Variants in LACTB2 observed in about 807,000 individuals in gnomAD.
LACTB2 encodes the protein endoribonuclease LACTB2.
In LACTB2, 32 loss-of-function variants were observed where a neutral mutation model predicts 34.8. The ratio of observed to expected loss-of-function variants is 0.92; its 90% CI spans 0.69 to 1.24. The LOEUF is 1.24. Among genes scored for constraint, LACTB2 ranks in the 50% most tolerant of loss-of-function variants. The probability of loss-of-function intolerance (pLI) is 0.00; values close to 1 mark genes in which losing one functional copy is unlikely to be tolerated. For synonymous variants in LACTB2, 120 were observed against 117.5 expected (o/e 1.02, Z -0.14); for missense variants, 320 against 345.0 (o/e 0.93, Z 0.57).
At chr8:70,653,968 T>C (rs1818377221) in intron 3 of LACTB2, 1 of 152,198 alleles carries the variant, frequency 6.6e-6, no homozygotes, top group South Asian at 2.1e-4. Context: ...GAAATAAATT[T>C]ATTTCCTATT....
In LACTB2 at chr8:70,665,351, GA is replaced by G. The variant is rs1370282071; in HGVS notation, c.123-3455del. Among the ~76,000 whole-genome samples, 5 of 152,294 alleles carry G rather than the reference GA, an allele frequency of 3.3e-5. 1 individual carries two copies. The highest frequency in any genetic ancestry group is 3.3e-4 in the Admixed American group (5 of 15,302). Reference sequence around the variant, plus strand: ...GGCACACAATAACTGTTTGCTACATGAATGGAGAAAAAAATTTTTAATTGAT... The same window carrying G: ...GGCACACAATAACTGTTTGCTACATGATGGAGAAAAAAATTTTTAATTGAT... On this transcript the variant is annotated intron_variant, in intron 1 of 6. Transcript: ENST00000276590.
chr8:70,660,558 A>G (rs1818468815), intron 2 of LACTB2: 2 of 454,600 alleles, frequency 4.4e-6, no homozygotes, highest in Non-Finnish European at 8.8e-6. Context: ...GTAAATAAGC[A>G]TGAATGTTCT....
intron 5 of LACTB2, 31 bp from the exon 6 acceptor site, chr8:70,638,660 CTTTT>C (rs11399242): frequency 1.6e-5 from 18 of 1,103,532 alleles, no homozygotes; most frequent in Non-Finnish European, 2.2e-5. Context: ...AAAAAAATTC[CTTTT>C]TTTTTAAAAA....
intron 2 of LACTB2, among the ~76,000 whole-genome samples, chr8:70,659,800 A>T (rs887607578): frequency 6.6e-6 from 1 of 152,220 alleles, no homozygotes; most frequent in African/African-American, 2.4e-5. Context: ...ATGAAAACAC[A>T]TATCCTATTT....
intron 1 of LACTB2, 127 bp downstream of exon 1, chr8:70,668,872 T>C (rs1312742104): frequency 3.0e-6 from 4 of 1,325,298 alleles, no homozygotes; most frequent in Non-Finnish European, 3.1e-6. Context: ...ACGGGGCTGC[T>C]AGGCGCGGGG....
At chr8:70,668,868 C>G in intron 1 of LACTB2, 131 bp downstream of exon 1, 2 of 1,258,114 alleles carry the variant, frequency 1.6e-6, no homozygotes, top group Non-Finnish European at 2.2e-6. Flanking sequence ...CCCGACGGGG[C>G]TGCTAGGCGC....
In LACTB2 at chr8:70,640,775, T is replaced by A. The variant is rs1346073832; in HGVS notation, c.741+127A>T. On this transcript the variant is annotated intron_variant, in intron 5 of 6. Coordinates refer to ENST00000276590, the MANE Select transcript of LACTB2 (RefSeq NM_016027.3). ...TAGCACTGTAGAAAGTTTAGGCTGCTGGTCTCAAATCTAGAAAAGTGGCGT... is the reference window on the plus strand; with the variant it reads ...TAGCACTGTAGAAAGTTTAGGCTGCAGGTCTCAAATCTAGAAAAGTGGCGT... 3 of 1,116,242 alleles carry A rather than the reference T, an allele frequency of 2.7e-6. No homozygotes were observed. The East Asian group carries it at 9.4e-5, about 35-fold the overall frequency. 69.1% of individuals were successfully genotyped at this position (1,116,242 alleles called of 1,614,324 possible).
chr8:70,659,690 C>A (rs13262205), intron 2 of LACTB2, among the ~76,000 whole-genome samples: 50,269 of 152,066 alleles, frequency 0.33, 9,434 homozygotes, highest in Non-Finnish European at 0.43. Flanking sequence ...GCTTATGAGA[C>A]CTTTAGTAGA....
At chr8:70,664,489 A>T (rs1195915976) in intron 1 of LACTB2, among the ~76,000 whole-genome samples, 2 of 152,172 alleles carry the variant, frequency 1.3e-5, no homozygotes, top group East Asian at 3.8e-4. Context: ...GTGGTAGTGG[A>T]GAACATGTTT....
intron 3 of LACTB2, among the ~76,000 whole-genome samples, chr8:70,648,806 C>T (rs268627): frequency 0.66 from 100,864 of 151,958 alleles, 34,996 homozygotes; most frequent in Middle Eastern, 0.76. Flanking sequence ...ACTCAGAACA[C>T]ACTACTGCCA....
Position 70,657,744 on chromosome 8 carries a change from A to G in LACTB2, c.413+12T>C. On this transcript the variant is annotated intron_variant, in intron 3 of 6. Transcript: ENST00000276590. The stretch of plus-strand genomic sequence containing the variant: ...ACTCTTCACCTTCCCTGGCTAAGGG[A>G]CATTTACTTACCTTAGAGTGGCTCC... 1 of 1,605,746 alleles carries G rather than the reference A, an allele frequency of 6.2e-7. No individual in the cohort carries two copies. The highest frequency in any genetic ancestry group is 1.1e-5 in the South Asian group (1 of 89,782).
chr8:70,650,735 C>CAAAAAAAAAAAAAAAA (rs61025700), intron 3 of LACTB2, among the ~76,000 whole-genome samples: 108 of 46,206 alleles, frequency 2.3e-3, no homozygotes, highest in Admixed American at 4.2e-3. Flanking sequence ...GACTCCATCT[C>CAAAAAAAAAAAAAAAA]AAAAAAAAAA....
intron 3 of LACTB2, among the ~76,000 whole-genome samples, chr8:70,650,755 A>G (rs1233354241): frequency 6.1e-5 from 9 of 146,744 alleles, no homozygotes; most frequent in African/African-American, 1.3e-4. Context: ...AAAAAAAAAA[A>G]AAAGAAAAAA....
At chr8:70,655,629 T>C (rs1415674180) in intron 3 of LACTB2, among the ~76,000 whole-genome samples, 1 of 152,228 alleles carries the variant, frequency 6.6e-6, no homozygotes, top group South Asian at 2.1e-4. Flanking sequence ...TTCCATGATT[T>C]TGCAATTGCA....
At chr8:70,641,108 CA>C in intron 4 of LACTB2, 58 bp from the exon 5 acceptor site, 1 of 1,389,042 alleles carries the variant, frequency 7.2e-7, no homozygotes, top group Non-Finnish European at 9.8e-7. Flanking sequence ...CTAAGTACAA[CA>C]GAAGCTAACT....
rs1483388993 is a variant in LACTB2 at position 70,669,125 on chromosome 8, G to A, written c.-5C>T. On this transcript the variant is annotated 5_prime_UTR_variant, in exon 1 of 7. Transcript: ENST00000276590. The stretch of plus-strand genomic sequence containing the variant: ...GCGCTGCAGTACAGCAGCCATTCCC[G>A]CCTCAGCCGCCCGCCGGCGTGTCGC... The A allele has an allele frequency of 1.2e-6, 2 of 1,608,894 alleles. No homozygotes were observed. Among genetic ancestry groups the A allele is most frequent in the Non-Finnish European group, 8.5e-7 (1 of 1,178,030 alleles).
chr8:70,643,015 CA>C (rs1818218625), intron 4 of LACTB2, among the ~76,000 whole-genome samples: 1 of 151,972 alleles, frequency 6.6e-6, no homozygotes, highest in African/African-American at 2.4e-5. Context: ...ATCAAGTTAA[CA>C]AAAATAACAG....
At chr8:70,647,632 G>A (rs2132072450) in intron 3 of LACTB2, among the ~76,000 whole-genome samples, 1 of 152,278 alleles carries the variant, frequency 6.6e-6, no homozygotes, top group East Asian at 1.9e-4. Flanking sequence ...ACATATAGAT[G>A]AGTGATAAGT....
chr8:70,650,469 G>A (rs773647185), intron 3 of LACTB2, among the ~76,000 whole-genome samples: 3 of 152,052 alleles, frequency 2.0e-5, no homozygotes, highest in Non-Finnish European at 2.9e-5. Flanking sequence ...GGCCAGGTGC[G>A]GTAGCTCATG....
Sources: allele counts gnomAD v4.1 joint callset (sites outside exome capture counted in the v4.1 genomes callset), GRCh38; gene constraint gnomAD v4.1.1; transcripts MANE v1.5; gene names NCBI Gene and HGNC (gene_info 2026-07-23, HGNC 2026-07-21).